Variants in PRKG1 observed in about 807,000 individuals in gnomAD.
PRKG1 encodes the protein cGMP-dependent protein kinase 1.
Under a neutral mutation model 88.1 loss-of-function variants are expected in PRKG1, and 35 were observed. The observed-to-expected ratio is 0.40, with a 90% CI of 0.30 to 0.53. PRKG1 has a LOEUF of 0.53. Among genes scored for constraint, PRKG1 ranks in the 20% least tolerant of loss-of-function variants. The pLI is 0.59. For missense variants in PRKG1, 540 were observed against 839.8 expected (o/e 0.64, Z 4.41); for synonymous variants, 303 against 292.5 (o/e 1.04, Z -0.37).
At chr10:51,587,132 T>C (rs1481924792) in intron 3 of PRKG1, among the ~76,000 whole-genome samples, 2 of 152,150 alleles carry the variant, frequency 1.3e-5, no homozygotes, top group African/African-American at 2.4e-5. Flanking sequence ...TTTTGTCATC[T>C]GAGAAATGTA....
chr10:51,084,132 G>A (rs997970718), intron 1 of PRKG1, among the ~76,000 whole-genome samples: 1 of 152,160 alleles, frequency 6.6e-6, no homozygotes. Flanking sequence ...CCGGAGGATT[G>A]GGGACATTAA....
At chr10:51,387,182 T>G (rs1274694940) in intron 2 of PRKG1, among the ~76,000 whole-genome samples, 6 of 151,894 alleles carry the variant, frequency 4.0e-5, no homozygotes, top group Non-Finnish European at 8.8e-5. Context: ...AGAAATGAAC[T>G]GTCTACAGGA....
At chr10:51,728,796 T>C (rs1842203010) in intron 3 of PRKG1, among the ~76,000 whole-genome samples, 1 of 152,156 alleles carries the variant, frequency 6.6e-6, no homozygotes, top group Admixed American at 6.5e-5. Flanking sequence ...TGATGCTTCA[T>C]TATGGCAAGG....
intron 1 of PRKG1, among the ~76,000 whole-genome samples, chr10:51,056,933 G>A (rs937598318): frequency 6.6e-6 from 1 of 152,102 alleles, no homozygotes; most frequent in Non-Finnish European, 1.5e-5. Context: ...CTTTTGAACT[G>A]AGATCAAATG....
At position 50,994,409 on chromosome 10, in the gene PRKG1, T is replaced by G. The variant is rs969926831; in HGVS notation, c.266+2765T>G. Among the ~76,000 whole-genome samples the G allele has an allele frequency of 2.2e-5, 3 of 136,618 alleles. No homozygotes were observed. The East Asian group carries it at 6.6e-4, about 30-fold the overall frequency. The allele number at this position is 136,618 out of a possible 152,430, so 89.6% of individuals were successfully genotyped here. A position where few individuals can be genotyped will look rare whatever the true frequency, so the allele number is the denominator to read the frequency against. ...CCATCACCTCACCTGTAATTTTTTT[T>G]TTTTTTTTTTTTTTTTTTGAGGCGG... On this transcript the variant is annotated intron_variant, in intron 1 of 17. Coordinates refer to the PRKG1 transcript ENST00000401604.
At chr10:51,435,247 CTTGTTTGT>C (rs956468137) in intron 2 of PRKG1, among the ~76,000 whole-genome samples, 1 of 151,758 alleles carries the variant, frequency 6.6e-6, no homozygotes. Context: ...TATGTGTTTG[CTTGTTTGT>C]TTGTTTGTTT....
chr10:52,041,023 G>T (rs922533796), intron 5 of PRKG1, among the ~76,000 whole-genome samples: 4 of 151,622 alleles, frequency 2.6e-5, no homozygotes, highest in Non-Finnish European at 5.9e-5. Flanking sequence ...ATTTTTAGTA[G>T]AGACGAGGTT....
intron 2 of PRKG1, among the ~76,000 whole-genome samples, chr10:51,269,092 A>T (rs1839911027): frequency 6.6e-6 from 1 of 152,198 alleles, no homozygotes; most frequent in South Asian, 2.1e-4. Flanking sequence ...AAGAAGATAT[A>T]CAAATAGCCA....
chr10:51,896,948 A>C (rs1841865449), intron 4 of PRKG1, among the ~76,000 whole-genome samples: 1 of 152,194 alleles, frequency 6.6e-6, no homozygotes, highest in South Asian at 2.1e-4. Flanking sequence ...ACAGCTATTA[A>C]TAGGTTGTGG....
intron 3 of PRKG1, among the ~76,000 whole-genome samples, chr10:51,502,484 G>A (rs1841060798): frequency 6.6e-6 from 1 of 152,120 alleles, no homozygotes; most frequent in East Asian, 1.9e-4. Context: ...ATGAGTCTAT[G>A]TTTATTTCCC....
At chr10:51,162,341 T>G (rs1206819533) in intron 2 of PRKG1, among the ~76,000 whole-genome samples, 3 of 152,170 alleles carry the variant, frequency 2.0e-5, no homozygotes, top group Non-Finnish European at 4.4e-5. Flanking sequence ...TGCACCTACT[T>G]CATCTGAATT....
chr10:51,153,347 C>T lies in PRKG1; in HGVS notation c.478+17C>T. On this transcript the variant is annotated intron_variant, in intron 2 of 17. Transcript: ENST00000373980. ...TCATGGAAGGTACGGTTTGTAACTC[C>T]AATCCTCTGACATTCAAATATTCTT... The T allele has an allele frequency of 6.4e-7, 1 of 1,573,706 alleles. No individual in the cohort carries two copies.
intron 1 of PRKG1, among the ~76,000 whole-genome samples, chr10:51,087,247 G>A (rs1844276332): frequency 6.6e-6 from 1 of 152,058 alleles, no homozygotes; most frequent in African/African-American, 2.4e-5. Context: ...AGTGAAAGTA[G>A]TAATTGTTAC....
chr10:51,499,112 C>CT (rs1181779060), intron 3 of PRKG1, among the ~76,000 whole-genome samples: 1 of 152,136 alleles, frequency 6.6e-6, no homozygotes, highest in Non-Finnish European at 1.5e-5. Flanking sequence ...GCTTTGGTTC[C>CT]TGTAAGTCAA....
chr10:52,226,822 A>C (rs983188940), intron 9 of PRKG1, among the ~76,000 whole-genome samples: 2 of 152,158 alleles, frequency 1.3e-5, no homozygotes, highest in African/African-American at 4.8e-5. Context: ...AACTTTTGTG[A>C]ATAGGGTCAA....
intron 5 of PRKG1, among the ~76,000 whole-genome samples, chr10:51,972,685 T>C (rs1564734673): frequency 6.6e-6 from 1 of 152,150 alleles, no homozygotes; most frequent in Non-Finnish European, 1.5e-5. Flanking sequence ...GAATTTAATA[T>C]CCCCAAATTC....
chr10:51,711,756 A>G (rs986901006), intron 3 of PRKG1, among the ~76,000 whole-genome samples: 1 of 152,184 alleles, frequency 6.6e-6, no homozygotes, highest in African/African-American at 2.4e-5. Context: ...GAAACCAGAT[A>G]AGATGGATTG....
intron 9 of PRKG1, among the ~76,000 whole-genome samples, chr10:52,181,213 G>A (rs948658452): frequency 2.0e-5 from 3 of 152,010 alleles, no homozygotes; most frequent in Non-Finnish European, 2.9e-5. Flanking sequence ...GCAGCCCATG[G>A]GTCTGTTTTT....
chr10:51,953,006 T>C (rs1040864743), intron 5 of PRKG1, among the ~76,000 whole-genome samples: 3 of 152,220 alleles, frequency 2.0e-5, no homozygotes, highest in African/African-American at 7.2e-5. Context: ...ATACTCATTG[T>C]TTCTTCTAAA....
Sources: gnomAD v4.1 joint callset for allele counts (sites outside exome capture counted in the v4.1 genomes callset) on GRCh38, gnomAD v4.1.1 for gene constraint, MANE v1.5 for transcripts, NCBI Gene and HGNC (gene_info 2026-07-23, HGNC 2026-07-21) for gene names.